PRKG1: variants seen among roughly 807,000 people sequenced by gnomAD.
PRKG1 encodes the protein protein kinase cGMP-dependent 1.
A neutral mutation model predicts 88.1 loss-of-function variants in PRKG1; 35 were observed. That is an observed-to-expected ratio of 0.40 (90% CI 0.30 to 0.53). The LOEUF (loss-of-function observed/expected upper bound fraction) is 0.53, where lower values mean the gene tolerates loss of function less well. Among genes scored for constraint, PRKG1 ranks in the 20% least tolerant of loss-of-function variants. PRKG1 has a pLI of 0.59. For synonymous variants in PRKG1, 303 were observed against 292.5 expected, an observed-to-expected ratio of 1.04 and a Z score of -0.37; for missense variants, 540 against 839.8, an observed-to-expected ratio of 0.64 and a Z score of 4.41.
chr10:52,119,640 T>C (rs1194315742), intron 7 of PRKG1, among the ~76,000 whole-genome samples: 4 of 152,090 alleles, frequency 2.6e-5, no homozygotes, highest in Non-Finnish European at 5.9e-5. Context: ...CCAAGAAAAA[T>C]AAAGGAAAGA....
intron 9 of PRKG1, among the ~76,000 whole-genome samples, chr10:52,179,980 C>T (rs749217072): frequency 9.2e-5 from 14 of 152,210 alleles, no homozygotes; most frequent in Non-Finnish European, 1.5e-4. Context: ...AGCCACCGTG[C>T]CCAGCCTAAA....
At chr10:52,162,820 T>G (rs1327412763) in intron 9 of PRKG1, among the ~76,000 whole-genome samples, 1 of 152,198 alleles carries the variant, frequency 6.6e-6, no homozygotes, top group Non-Finnish European at 1.5e-5. Context: ...TTTTCAAAGC[T>G]ATATGAAAAT....
chr10:51,295,870 G>A (rs1564434232), intron 2 of PRKG1, among the ~76,000 whole-genome samples: 1 of 152,108 alleles, frequency 6.6e-6, no homozygotes, highest in Non-Finnish European at 1.5e-5. Flanking sequence ...TTTGTTGAGA[G>A]TTTTTATCAT....
chr10:51,493,508 T>A (rs1444037632), intron 3 of PRKG1, among the ~76,000 whole-genome samples: 1 of 152,182 alleles, frequency 6.6e-6, no homozygotes, highest in African/African-American at 2.4e-5. Context: ...TATTGACTGA[T>A]TTTTTTAGAT....
intron 3 of PRKG1, among the ~76,000 whole-genome samples, chr10:51,601,773 A>T (rs1015650108): frequency 2.4e-5 from 1 of 42,056 alleles, no homozygotes; most frequent in African/African-American, 7.7e-5. Flanking sequence ...TTTTTTTGTA[A>T]GCTGAGCCAT....
chr10:52,153,531 GC>G (rs1838000831), intron 8 of PRKG1, among the ~76,000 whole-genome samples: 1 of 152,116 alleles, frequency 6.6e-6, no homozygotes. Context: ...TGTCAAATGT[GC>G]CTGTTTCTTG....
intron 5 of PRKG1, among the ~76,000 whole-genome samples, chr10:52,022,635 A>C (rs1845214990): frequency 6.6e-6 from 1 of 152,196 alleles, no homozygotes; most frequent in African/African-American, 2.4e-5. Flanking sequence ...ACATACTCTA[A>C]GTTGTACAAT....
At position 51,702,821 on chromosome 10, in the gene PRKG1, C is replaced by T. The variant is rs577149407; in HGVS notation, c.593-101764C>T. ...AAGCAATTCTCCTGCCTTAGCCTCCCGAGTAAAGACTACAGGCGTGTGCCA... is the reference window on the plus strand; with the variant it reads ...AAGCAATTCTCCTGCCTTAGCCTCCTGAGTAAAGACTACAGGCGTGTGCCA... On this transcript the variant is annotated intron_variant, in intron 3 of 17. Coordinates refer to ENST00000373980, the MANE Select transcript of PRKG1 (RefSeq NM_006258.4). Among the ~76,000 whole-genome samples the T allele has an allele frequency of 4.1e-4, 63 of 152,122 alleles. 1 individual carries two copies. The highest frequency in any genetic ancestry group is 1.4e-3 in the African/African-American group (57 of 41,494).
rs187758328 is a variant in PRKG1, at chr10:51,854,229, T to A, written c.698+49539T>A. On this transcript the variant is annotated intron_variant, in intron 4 of 17. Coordinates refer to ENST00000373980, the MANE Select transcript of PRKG1 (RefSeq NM_006258.4). ...TTTTTATTAAGGTAGAATACTTTAATCTTCCCTTTTTGATTTGACCTACTG... is the reference window on the plus strand; with the variant it reads ...TTTTTATTAAGGTAGAATACTTTAAACTTCCCTTTTTGATTTGACCTACTG... Among the ~76,000 whole-genome samples, 30 of 152,294 alleles carry A rather than the reference T, an allele frequency of 2.0e-4. No homozygotes were observed. The East Asian group carries it at 5.6e-3, about 28-fold the overall frequency.
At chr10:51,269,378 GAAAAAATGTCATTGTAT>G (rs1839918963) in intron 2 of PRKG1, among the ~76,000 whole-genome samples, 1 of 152,002 alleles carries the variant, frequency 6.6e-6, no homozygotes, top group Non-Finnish European at 1.5e-5. Flanking sequence ...CTACCCAAAG[GAAAAAATGTCATTGTAT>G]AAAAAAGGCA....
intron 10 of PRKG1, among the ~76,000 whole-genome samples, chr10:52,261,076 G>A (rs947337857): frequency 3.7e-4 from 56 of 151,252 alleles, no homozygotes; most frequent in African/African-American, 1.3e-3. Flanking sequence ...AAATAAGAAA[G>A]TATTAGGTTC....
chr10:52,207,825 C>T (rs1391505499), intron 9 of PRKG1, among the ~76,000 whole-genome samples: 1 of 152,122 alleles, frequency 6.6e-6, no homozygotes, highest in Admixed American at 6.6e-5. Context: ...GCTTACTCCC[C>T]CTTCAGCCCA....
At chr10:51,604,508 C>T (rs561082005) in intron 3 of PRKG1, among the ~76,000 whole-genome samples, 1 of 152,320 alleles carries the variant, frequency 6.6e-6, no homozygotes, top group African/African-American at 2.4e-5. Flanking sequence ...TGATTCACAA[C>T]CACATCATGG....
rs78346962 is a variant in PRKG1 at position 52,280,676 on chromosome 10, G to C, written c.1404-113G>C. 28,366 of 1,144,664 alleles carry C rather than the reference G, an allele frequency of 0.025. 2,577 individuals carry two copies. In the East Asian group the frequency reaches 0.29, roughly 12 times the overall value. 70.9% of individuals were successfully genotyped at this position (1,144,664 alleles called of 1,614,324 possible). A position where few individuals can be genotyped will look rare whatever the true frequency, so the allele number is the denominator to read the frequency against. On this transcript the variant is annotated intron_variant, in intron 12 of 17. Coordinates refer to ENST00000373980, the MANE Select transcript of PRKG1 (RefSeq NM_006258.4). Reference sequence around the variant, plus strand: ...TGTAACATTTAGCTAGCAGGACAGTGATCTCTGGGTTAAATTTTGGCAAAG... The same window carrying C: ...TGTAACATTTAGCTAGCAGGACAGTCATCTCTGGGTTAAATTTTGGCAAAG...
chr10:51,612,446 A>G (rs919089893), intron 3 of PRKG1, among the ~76,000 whole-genome samples: 1 of 151,926 alleles, frequency 6.6e-6, no homozygotes, highest in Non-Finnish European at 1.5e-5. Flanking sequence ...TTATTGTTGT[A>G]TAGAAATGCT....
chr10:51,433,455 A>G (rs1470154641), intron 2 of PRKG1, among the ~76,000 whole-genome samples: 1 of 152,142 alleles, frequency 6.6e-6, no homozygotes, highest in Admixed American at 6.5e-5. Context: ...TAAAGATCAC[A>G]GATGGAAAGT....
intron 3 of PRKG1, among the ~76,000 whole-genome samples, chr10:51,487,935 C>T (rs918324400): frequency 5.3e-5 from 8 of 152,082 alleles, no homozygotes; most frequent in Non-Finnish European, 1.0e-4. Context: ...ACTATGTTAA[C>T]GTAGTTTTAA....
chr10:51,260,227 A>G (rs1839669010), intron 2 of PRKG1, among the ~76,000 whole-genome samples: 1 of 152,230 alleles, frequency 6.6e-6, no homozygotes, highest in Non-Finnish European at 1.5e-5. Context: ...TTAATAAAAA[A>G]TATTCCGTGG....
chr10:51,431,192 A>T (rs1050192780), intron 2 of PRKG1, among the ~76,000 whole-genome samples: 1 of 152,204 alleles, frequency 6.6e-6, no homozygotes, highest in Non-Finnish European at 1.5e-5. Flanking sequence ...AAGTGTATCA[A>T]TGGCTATACC....
Sources: gnomAD v4.1 joint callset for allele counts (sites outside exome capture counted in the v4.1 genomes callset) on GRCh38, gnomAD v4.1.1 for gene constraint, MANE v1.5 for transcripts, NCBI Gene and HGNC (gene_info 2026-07-23, HGNC 2026-07-21) for gene names.